The following RAB3GAP2 variants were observed in gnomAD, a reference collection of about 807,000 sequenced individuals.
RAB3GAP2 encodes rab3 GTPase-activating protein non-catalytic subunit.
In RAB3GAP2, 87 loss-of-function variants were observed where a neutral mutation model predicts 185.3. The observed-to-expected ratio is 0.47, with a 90% CI of 0.39 to 0.56. RAB3GAP2 has a LOEUF of 0.56. Among genes scored for constraint, RAB3GAP2 ranks in the 20% least tolerant of loss-of-function variants. The pLI is 0.00. For synonymous variants in RAB3GAP2, 554 were observed against 576.1 expected, an observed-to-expected ratio of 0.96 and a Z score of 0.55; for missense variants, 1,492 against 1,638.2, an observed-to-expected ratio of 0.91 and a Z score of 1.54.
chr1:220,187,216 T>A (rs900239118), intron 17 of RAB3GAP2, among the ~76,000 whole-genome samples: 1 of 152,190 alleles, frequency 6.6e-6, no homozygotes, highest in African/African-American at 2.4e-5. Context: ...GTTCCTATAA[T>A]TTCTTGAACA....
rs1173501564 is a variant in RAB3GAP2 at position 220,182,262 on chromosome 1, A to G, written c.2305T>C (p.Leu769=). ...LESAGLSPQL[L]LSLLLSVWLS... is the part of the protein sequence containing the mutation. ...AGCAACCAAAAAAACCTTACCAACAACAGCTGAGGGCTAAGACCAGCCGAC... is the reference window on the plus strand; with the variant it reads ...AGCAACCAAAAAAACCTTACCAACAGCAGCTGAGGGCTAAGACCAGCCGAC... Residue 769 remains leucine, a synonymous_variant, in exon 21 of 35, where the codon TTG becomes CTG. Transcript: ENST00000358951. The G allele has an allele frequency of 1.9e-6, 3 of 1,613,782 alleles. No individual in the cohort carries two copies. Among genetic ancestry groups the G allele is most frequent in the Non-Finnish European group, 2.5e-6 (3 of 1,179,948 alleles).
In RAB3GAP2 at chr1:220,191,098, A is replaced by G. The variant is rs750766282; in HGVS notation, c.1457T>C (p.Val486Ala). 2 of 1,613,656 alleles carry G rather than the reference A, an allele frequency of 1.2e-6. No individual in the cohort carries two copies. Among genetic ancestry groups the G allele is most frequent in the Admixed American group, 3.3e-5 (2 of 59,956 alleles). ...EVWSTQQGPR[V>A]GAFNVGKHCR... ...GTGCTTCCCCACATTGAAAGCTCCT[A>G]CTCTAGGTCCCTGCTGTGTGCTCCA... Residue 486 changes from valine to alanine, a missense_variant, in exon 14 of 35, where the codon GTA (valine) becomes GCA (alanine). By Grantham distance (64) the Val-to-Ala change is moderately conservative. Around this residue, in one of 5 missense-constraint regions of RAB3GAP2, gnomAD observed 681 missense variants for 689.1 expected, o/e 0.99. Coordinates refer to ENST00000358951, the MANE Select transcript of RAB3GAP2 (RefSeq NM_012414.4).
chr1:220,233,007 G>C, intron 1 of RAB3GAP2, 144 bp from the exon 2 acceptor site: 1 of 674,790 alleles, frequency 1.5e-6, no homozygotes, highest in South Asian at 1.8e-5. Context: ...GTTATACCAG[G>C]ATTTTGCTAT....
chr1:220,196,657 C>T lies in RAB3GAP2; in HGVS notation c.812-259G>A, dbSNP rs1658730745. Among the ~76,000 whole-genome samples the T allele has an allele frequency of 2.0e-5, 3 of 151,672 alleles. No individual in the cohort carries two copies. In the South Asian group the frequency reaches 6.2e-4, roughly 32 times the overall value. On this transcript the variant is annotated intron_variant, in intron 9 of 34. Transcript: ENST00000358951. ...ATCAGCCTGGCCAACATGGTGAAAC[C>T]CCGCCTCTACTAAATATACAAAAAT...
In RAB3GAP2 at chr1:220,183,831, G is replaced by A. The variant is rs1034364043; in HGVS notation, c.1998+205C>T. Among the ~76,000 whole-genome samples, 40 of 152,006 alleles carry A rather than the reference G, an allele frequency of 2.6e-4. 1 individual carries two copies. Among genetic ancestry groups the A allele is most frequent in the Non-Finnish European group, 1.5e-5 (1 of 67,996 alleles). Reference sequence around the variant, plus strand: ...AAACATATCATGGCTGGGCATAGTGGCTTATGCCTATAATCTCAGCACTTG... The same window carrying A: ...AAACATATCATGGCTGGGCATAGTGACTTATGCCTATAATCTCAGCACTTG... On this transcript the variant is annotated intron_variant, in intron 19 of 34. Coordinates refer to ENST00000358951, the MANE Select transcript of RAB3GAP2 (RefSeq NM_012414.4).
Position 220,157,604 on chromosome 1 carries a change from T to C in RAB3GAP2, c.3337-116A>G, listed in dbSNP as rs111551021. ...AATTCATATTGCACACTGTCCCAAA[T>C]TGTAATAAAAAAACACAAAGTCTAA... On this transcript the variant is annotated intron_variant, in intron 30 of 34. Transcript: ENST00000358951. 9,790 of 1,123,646 alleles carry C rather than the reference T, an allele frequency of 8.7e-3. 44 individuals carry two copies. Among genetic ancestry groups the C allele is most frequent in the Non-Finnish European group, 0.011 (8,481 of 768,444 alleles). 69.6% of individuals were successfully genotyped at this position (1,123,646 alleles called of 1,614,324 possible).
At chr1:220,162,575 G>A (rs566345426) in intron 27 of RAB3GAP2, among the ~76,000 whole-genome samples, 1 of 152,064 alleles carries the variant, frequency 6.6e-6, no homozygotes, top group East Asian at 1.9e-4. Context: ...CCACCAAAAA[G>A]GCTAAGAACA....
intron 2 of RAB3GAP2, among the ~76,000 whole-genome samples, chr1:220,216,248 T>C (rs946166401): frequency 2.6e-5 from 4 of 152,164 alleles, no homozygotes; most frequent in South Asian, 2.1e-4. Context: ...GAACATAACA[T>C]TGGCAAAATC....
intron 10 of RAB3GAP2, among the ~76,000 whole-genome samples, chr1:220,195,647 A>G (rs1188608933): frequency 1.3e-5 from 2 of 152,202 alleles, no homozygotes; most frequent in African/African-American, 2.4e-5. Flanking sequence ...TAAATTTTAA[A>G]CTAGGACATT....
intron 7 of RAB3GAP2, among the ~76,000 whole-genome samples, chr1:220,209,267 G>A (rs1043246979): frequency 2.6e-5 from 4 of 151,942 alleles, no homozygotes; most frequent in African/African-American, 9.7e-5. Flanking sequence ...TTGAATTTAT[G>A]CAAAATTTGG....
intron 27 of RAB3GAP2, among the ~76,000 whole-genome samples, chr1:220,163,744 C>CATATATATATATATATAT (rs373160821): frequency 2.4e-5 from 3 of 122,988 alleles, no homozygotes; most frequent in African/African-American, 9.4e-5. Context: ...TAAATACATA[C>CATATATATATATATATAT]ATATATATAT....
chr1:220,245,519 G>C (rs943589508), intron 1 of RAB3GAP2, among the ~76,000 whole-genome samples: 1 of 152,036 alleles, frequency 6.6e-6, no homozygotes, highest in East Asian at 1.9e-4. Context: ...AGGGTCCTAC[G>C]CCCATGGAAT....
Position 220,231,975 on chromosome 1 carries a change from G to A in RAB3GAP2, c.180+824C>T, listed in dbSNP as rs548849253. ...TCTTTGGACTTCCTTCTATGTAAGC[G>A]AATAAATTTTCTTCATATTTAAGCC... On this transcript the variant is annotated intron_variant, in intron 2 of 34. Coordinates refer to ENST00000358951, the MANE Select transcript of RAB3GAP2 (RefSeq NM_012414.4). 9.7e-4 allele frequency among the ~76,000 whole-genome samples: 147 copies of A among 152,142 alleles called. No homozygotes were observed. The Middle Eastern group carries it at 0.01, about 11-fold the overall frequency.
chr1:220,240,917 C>A (rs1322883654), intron 1 of RAB3GAP2, among the ~76,000 whole-genome samples: 22 of 152,028 alleles, frequency 1.4e-4, no homozygotes, highest in Admixed American at 1.4e-3. Context: ...TAAAATGTAA[C>A]CACAATTCCC....
rs776143902 is a variant in RAB3GAP2, at chr1:220,191,277, G to A, written c.1278C>T (p.Arg426=). The change falls in exon 14 of 35, where the codon CGC becomes CGT. Residue 426 remains arginine, a synonymous_variant. Coordinates refer to ENST00000358951, the MANE Select transcript of RAB3GAP2 (RefSeq NM_012414.4). ...GIAIRMWKGY[R]DAQIGWIQTV... ...TTTGAATCCATCCAATTTGTGCGTC[G>A]CGGTACCCTTAGAGACAGAGGTAAA... The A allele has an allele frequency of 2.1e-5, 34 of 1,596,744 alleles. No homozygotes were observed. Among genetic ancestry groups the A allele is most frequent in the Non-Finnish European group, 2.6e-5 (31 of 1,171,354 alleles).
chr1:220,184,258 C>A (rs1006561657), intron 18 of RAB3GAP2, 95 bp from the exon 19 acceptor site: 1 of 1,190,072 alleles, frequency 8.4e-7, no homozygotes, highest in Non-Finnish European at 1.2e-6. Context: ...TTATGTAATT[C>A]CCTGATGCTC....
chr1:220,190,002 T>C, intron 16 of RAB3GAP2, 62 bp downstream of exon 16: 1 of 1,360,634 alleles, frequency 7.3e-7, no homozygotes, highest in Non-Finnish European at 1.1e-6. Context: ...ATTCAGAATA[T>C]TTTATTGATT....
intron 9 of RAB3GAP2, among the ~76,000 whole-genome samples, chr1:220,198,081 C>T (rs1390216986): frequency 6.6e-6 from 1 of 152,086 alleles, no homozygotes; most frequent in Non-Finnish European, 1.5e-5. Context: ...CTCTTGGGAT[C>T]ACTTCCCTTT....
At chr1:220,240,399 C>T (rs1489491461) in intron 1 of RAB3GAP2, among the ~76,000 whole-genome samples, 2 of 151,746 alleles carry the variant, frequency 1.3e-5, no homozygotes, top group Non-Finnish European at 2.9e-5. Flanking sequence ...CTTTTTTTTC[C>T]TCAATCCCTT....
Sources: allele counts gnomAD v4.1 joint callset (sites outside exome capture counted in the v4.1 genomes callset), GRCh38; gene constraint gnomAD v4.1.1; regional missense constraint gnomAD v4.1.1; transcripts MANE v1.5; gene names NCBI Gene and HGNC (gene_info 2026-07-23, HGNC 2026-07-21).